The following ADGRV1 variants were observed in gnomAD, a reference collection of about 807,000 sequenced individuals.
ADGRV1 encodes the protein adhesion G protein-coupled receptor V1, also known as G-protein coupled receptor 98.
ADGRV1 carries 359 observed loss-of-function variants against 596.2 expected under a neutral mutation model. The ratio of observed to expected loss-of-function variants is 0.60; its 90% CI spans 0.55 to 0.66. The LOEUF is 0.66. ADGRV1 is among the 30% of genes least tolerant of loss of function. The probability of loss-of-function intolerance (pLI) is 0.00; values close to 1 mark genes in which losing one functional copy is unlikely to be tolerated. For synonymous variants in ADGRV1, 2,681 were observed against 2,679.2 expected (o/e 1.00, Z -0.02); for missense variants, 7,274 against 7,575.6 (o/e 0.96, Z 1.48).
chr5:90,584,845 G>A (rs571514618), intron 1 of ADGRV1, among the ~76,000 whole-genome samples: 19 of 152,280 alleles, frequency 1.2e-4, no homozygotes, highest in Non-Finnish European at 2.2e-4. Flanking sequence ...TAGAACCCAC[G>A]TTTAAGAAGA....
At chr5:90,643,143 A>G in intron 13 of ADGRV1, 102 bp downstream of exon 13, 1 of 1,070,824 alleles carries the variant, frequency 9.3e-7, no homozygotes, top group East Asian at 2.6e-5. Flanking sequence ...GACAGGAAAG[A>G]GGTGGGCAAG....
intron 71 of ADGRV1, among the ~76,000 whole-genome samples, chr5:90,804,520 C>A (rs1761717041): frequency 6.6e-6 from 1 of 152,018 alleles, no homozygotes; most frequent in Non-Finnish European, 1.5e-5. Flanking sequence ...CCTGCGGAAC[C>A]CTCTCATGTT....
At chr5:90,677,257 T>G (rs1045725018) in intron 25 of ADGRV1, among the ~76,000 whole-genome samples, 3 of 152,180 alleles carry the variant, frequency 2.0e-5, no homozygotes, top group African/African-American at 7.2e-5. Context: ...ATAGATAATT[T>G]GGGTAAATAT....
At chr5:90,642,592 A>G (rs1561440981) in intron 11 of ADGRV1, 44 bp from the exon 12 acceptor site, 2 of 1,598,082 alleles carry the variant, frequency 1.3e-6, no homozygotes, top group Non-Finnish European at 8.5e-7. Flanking sequence ...TTCAGAAGTA[A>G]AACTGGAAGT....
chr5:90,631,404 G>T (rs1240993182), intron 9 of ADGRV1, among the ~76,000 whole-genome samples: 1 of 152,138 alleles, frequency 6.6e-6, no homozygotes, highest in African/African-American at 2.4e-5. Context: ...AAGGGGCTTA[G>T]TGGGTGACCT....
chr5:90,811,969 C>T (rs1762480985), intron 74 of ADGRV1, among the ~76,000 whole-genome samples: 1 of 148,136 alleles, frequency 6.8e-6, no homozygotes, highest in South Asian at 2.1e-4. Flanking sequence ...TGCTCTGTTG[C>T]CCAGGCTGTA....
chr5:90,614,176 AGTTGTCATGG>A, intron 1 of ADGRV1: 1 of 370,850 alleles, frequency 2.7e-6, no homozygotes, highest in Non-Finnish European at 5.1e-6. Flanking sequence ...AAAAAAAGAA[AGTTGTCATGG>A]AAAAAAAGGA....
intron 45 of ADGRV1, among the ~76,000 whole-genome samples, chr5:90,721,485 C>A: frequency 8.2e-6 from 1 of 122,118 alleles, no homozygotes; most frequent in Non-Finnish European, 1.7e-5. Context: ...GCCTGGTCAA[C>A]AGAGCAAGAC....
chr5:91,114,293 G>A (rs916595464), intron 87 of ADGRV1, among the ~76,000 whole-genome samples: 2 of 151,966 alleles, frequency 1.3e-5, no homozygotes, highest in Non-Finnish European at 2.9e-5. Flanking sequence ...TTGGGAAGCT[G>A]AGGTGGGTGG....
intron 85 of ADGRV1, among the ~76,000 whole-genome samples, chr5:91,055,124 CAT>C (rs1786720595): frequency 6.6e-6 from 1 of 152,120 alleles, no homozygotes; most frequent in Non-Finnish European, 1.5e-5. Flanking sequence ...AGAGCCTTCA[CAT>C]TTAACTCACT....
rs935599368 is a variant in ADGRV1, at chr5:90,644,609, G to C, written c.2735-97G>C. Reference sequence around the variant, plus strand: ...TAGTTGGCAGTTATTAAAAAGAGGTGTTGTTTTTATTTTTGTTTATTTAAC... The same window carrying C: ...TAGTTGGCAGTTATTAAAAAGAGGTCTTGTTTTTATTTTTGTTTATTTAAC... On this transcript the variant is annotated intron_variant, in intron 14 of 89. Transcript: ENST00000405460. The C allele has an allele frequency of 1.5e-5, 14 of 915,564 alleles. No individual in the cohort carries two copies. The Admixed American group carries it at 3.3e-4, about 22-fold the overall frequency. 56.7% of individuals were successfully genotyped at this position (915,564 alleles called of 1,614,324 possible).
At chr5:90,903,942 C>T (rs1772082150) in intron 83 of ADGRV1, among the ~76,000 whole-genome samples, 1 of 151,940 alleles carries the variant, frequency 6.6e-6, no homozygotes, top group South Asian at 2.1e-4. Flanking sequence ...CTCTGGTAAC[C>T]ATCCTTCTAC....
chr5:90,776,707 C>T, intron 61 of ADGRV1, 131 bp downstream of exon 61: 1 of 1,018,314 alleles, frequency 9.8e-7, no homozygotes, highest in Non-Finnish European at 1.5e-6. Flanking sequence ...CTGTTAACAT[C>T]CTGTGGAGAG....
chr5:90,816,128 C>A (rs1483165155), intron 75 of ADGRV1, among the ~76,000 whole-genome samples: 1 of 152,136 alleles, frequency 6.6e-6, no homozygotes, highest in Admixed American at 6.6e-5. Context: ...GCTTGGTATG[C>A]ACACATGCAC....
intron 83 of ADGRV1, among the ~76,000 whole-genome samples, chr5:90,958,283 CAAAAAA>C (rs34676985): frequency 1.4e-5 from 1 of 72,840 alleles, no homozygotes; most frequent in African/African-American, 4.9e-5. Flanking sequence ...GACCTTGTCT[CAAAAAA>C]AAAAAAAAAA....
intron 85 of ADGRV1, among the ~76,000 whole-genome samples, chr5:91,000,029 A>G (rs1191081064): frequency 8.5e-5 from 13 of 152,100 alleles, no homozygotes; most frequent in Non-Finnish European, 4.4e-5. Context: ...ATTAATCAAT[A>G]TTTATTTTAG....
intron 87 of ADGRV1, among the ~76,000 whole-genome samples, chr5:91,121,606 G>A (rs545202873): frequency 4.1e-4 from 63 of 152,208 alleles, no homozygotes; most frequent in African/African-American, 1.5e-3. Flanking sequence ...TTCGAGCTGC[G>A]GTTCAGAACC....
chr5:90,877,887 GA>G (rs553490050), intron 83 of ADGRV1, among the ~76,000 whole-genome samples: 5 of 149,258 alleles, frequency 3.3e-5, no homozygotes, highest in South Asian at 2.1e-4. Context: ...GTGAAATTCA[GA>G]AAAAAAAATG....
At chr5:90,764,583 G>T (rs1055389491) in intron 59 of ADGRV1, among the ~76,000 whole-genome samples, 3 of 152,164 alleles carry the variant, frequency 2.0e-5, no homozygotes, top group Admixed American at 6.5e-5. Context: ...CCCCATGCCT[G>T]CATTTCCTTT....
Sources: allele counts gnomAD v4.1 joint callset (sites outside exome capture counted in the v4.1 genomes callset), GRCh38; gene constraint gnomAD v4.1.1; transcripts MANE v1.5; gene names NCBI Gene and HGNC (gene_info 2026-07-23, HGNC 2026-07-21).